Variants in ARHGAP31 observed in about 807,000 individuals in gnomAD.
ARHGAP31 encodes rho GTPase-activating protein 31.
ARHGAP31 carries 34 observed loss-of-function variants against 113.9 expected under a neutral mutation model. The ratio of observed to expected loss-of-function variants is 0.30; its 90% CI spans 0.23 to 0.40. The LOEUF is 0.40. Among genes scored for constraint, ARHGAP31 ranks in the 10% least tolerant of loss-of-function variants. The probability of loss-of-function intolerance (pLI) is 1.00; values close to 1 mark genes in which losing one functional copy is unlikely to be tolerated. For missense variants in ARHGAP31, 1,548 were observed against 1,767.1 expected, an observed-to-expected ratio of 0.88 and a Z score of 2.22; for synonymous variants, 650 against 684.8, an observed-to-expected ratio of 0.95 and a Z score of 0.79.
Position 119,419,937 on chromosome 3 carries a change from A to G in ARHGAP31, c.*3673A>G, listed in dbSNP as rs1174771503. The G allele has an allele frequency of 6.6e-6, 1 of 152,186 alleles. No individual in the cohort carries two copies. The highest frequency in any genetic ancestry group is 1.5e-5 in the Non-Finnish European group (1 of 68,028). 9.4% of individuals were successfully genotyped at this position (152,186 alleles called of 1,614,324 possible). A position where few individuals can be genotyped will look rare whatever the true frequency, so the allele number is the denominator to read the frequency against. On this transcript the variant is annotated 3_prime_UTR_variant, in exon 12 of 12. Transcript: ENST00000264245. The stretch of plus-strand genomic sequence containing the variant: ...TAAGATCAGTATTCCATAGTGCTTG[A>G]AAAGGGGATTTTAGAGACTTCTGTC...
At chr3:119,343,832 T>TTCCCA (rs746989410) in intron 1 of ARHGAP31, among the ~76,000 whole-genome samples, 1 of 152,240 alleles carries the variant, frequency 6.6e-6, no homozygotes, top group Non-Finnish European at 1.5e-5. Context: ...TCTAGAAGCC[T>TTCCCA]TTTAACCCAA....
intron 1 of ARHGAP31, among the ~76,000 whole-genome samples, chr3:119,334,198 C>T (rs772697689): frequency 4.6e-5 from 7 of 152,172 alleles, no homozygotes; most frequent in Non-Finnish European, 8.8e-5. Flanking sequence ...TACTTCATCT[C>T]CCGGCTCCCC....
intron 1 of ARHGAP31, among the ~76,000 whole-genome samples, chr3:119,348,014 A>T (rs1173900361): frequency 1.3e-5 from 2 of 152,222 alleles, no homozygotes; most frequent in African/African-American, 4.8e-5. Context: ...TTACAAACCA[A>T]CACCTGTCCG....
chr3:119,403,491 G>A (rs573378131), intron 10 of ARHGAP31, among the ~76,000 whole-genome samples: 2 of 152,308 alleles, frequency 1.3e-5, no homozygotes, highest in South Asian at 4.1e-4. Flanking sequence ...CCCACAGTGA[G>A]CTCAAAAACT....
chr3:119,413,313 TC>T (rs1297545466), intron 11 of ARHGAP31, among the ~76,000 whole-genome samples: 2 of 135,324 alleles, frequency 1.5e-5, no homozygotes, highest in African/African-American at 2.9e-5. Context: ...CGAGACTCTG[TC>T]TCAAAAAAAA....
At chr3:119,304,934 TAAAA>T (rs2079618261) in intron 1 of ARHGAP31, among the ~76,000 whole-genome samples, 1 of 107,830 alleles carries the variant, frequency 9.3e-6, no homozygotes, top group African/African-American at 4.8e-5. Flanking sequence ...TAAAATAAAA[TAAAA>T]TAAAACTTTT....
intron 1 of ARHGAP31, among the ~76,000 whole-genome samples, chr3:119,355,216 A>G: frequency 6.6e-6 from 1 of 152,236 alleles, no homozygotes; most frequent in East Asian, 1.9e-4. Context: ...TGGGCAATTT[A>G]TCTATTCTCT....
At chr3:119,298,552 T>A (rs2079553390) in intron 1 of ARHGAP31, 1 of 152,240 alleles carries the variant, frequency 6.6e-6, no homozygotes, top group Non-Finnish European at 1.5e-5. Flanking sequence ...GGGAAAATTA[T>A]CTTCTTCCTC....
chr3:119,329,887 G>A (rs1304853377), intron 1 of ARHGAP31: 1 of 985,480 alleles, frequency 1.0e-6, no homozygotes, highest in Non-Finnish European at 1.2e-6. Flanking sequence ...GTCCTCACTG[G>A]TGCTGAGAAA....
At position 119,415,525 on chromosome 3, in the gene ARHGAP31, C is replaced by T. The variant is rs534166705; in HGVS notation, c.3596C>T (p.Ala1199Val). ...SFMVKMCQAR[A>V]VPVIPPKIQY... ...ATGGTCAAAATGTGCCAGGCCAGGG[C>T]GGTCCCAGTCATCCCTCCCAAGATT... Residue 1199 changes from alanine to valine, a missense_variant, in exon 12 of 12, where the codon GCG becomes GTG. Coordinates refer to ENST00000264245, the MANE Select transcript of ARHGAP31 (RefSeq NM_020754.4). The T allele has an allele frequency of 3.7e-5, 59 of 1,614,124 alleles. No homozygotes were observed. The highest frequency in any genetic ancestry group is 2.3e-4 in the Admixed American group (14 of 60,026).
chr3:119,313,072 T>G (rs1213695918), intron 1 of ARHGAP31, among the ~76,000 whole-genome samples: 1 of 152,256 alleles, frequency 6.6e-6, no homozygotes, highest in African/African-American at 2.4e-5. Flanking sequence ...GATTTCTTTC[T>G]TTTTAATCAC....
At position 119,294,706 on chromosome 3, in the gene ARHGAP31, C is replaced by G. The variant is rs886057795; in HGVS notation, c.-199C>G. Reference sequence around the variant, plus strand: ...CCTCGGCACGGCGGCCCCGGAGCGGCGCGGGGTGGATCTCAGGCTCTGCCG... The same window carrying G: ...CCTCGGCACGGCGGCCCCGGAGCGGGGCGGGGTGGATCTCAGGCTCTGCCG... On this transcript the variant is annotated 5_prime_UTR_variant, in exon 1 of 12. Transcript: ENST00000264245. 3 of 617,810 alleles carry G rather than the reference C, an allele frequency of 4.9e-6. No individual in the cohort carries two copies. The allele number at this position is 617,810 out of a possible 1,614,324, so 38.3% of individuals were successfully genotyped here.
At chr3:119,337,423 A>C (rs899361076) in intron 1 of ARHGAP31, among the ~76,000 whole-genome samples, 3 of 151,874 alleles carry the variant, frequency 2.0e-5, no homozygotes, top group Middle Eastern at 3.2e-3. Flanking sequence ...TACAGCTCAT[A>C]AAGGCAGCAC....
intron 1 of ARHGAP31, among the ~76,000 whole-genome samples, chr3:119,327,334 G>C (rs1238713210): frequency 1.3e-5 from 2 of 151,724 alleles, no homozygotes; most frequent in Non-Finnish European, 2.9e-5. Flanking sequence ...CCTGAGGTCA[G>C]GGAGTTCGAG....
intron 9 of ARHGAP31, 151 bp downstream of exon 9, chr3:119,399,412 A>C: frequency 3.4e-5 from 25 of 732,090 alleles, no homozygotes; most frequent in East Asian, 8.2e-5. Flanking sequence ...ACCCTAACTC[A>C]AGGGGTTCAC....
intron 1 of ARHGAP31, among the ~76,000 whole-genome samples, chr3:119,314,110 ACT>A (rs980388846): frequency 2.2e-4 from 34 of 152,112 alleles, no homozygotes; most frequent in Admixed American, 6.5e-5. Context: ...CCCTGGCCAC[ACT>A]CTACTTCTCG....
intron 6 of ARHGAP31, 28 bp from the exon 7 acceptor site, chr3:119,390,757 A>G (rs1424643437): frequency 2.5e-6 from 4 of 1,608,490 alleles, no homozygotes; most frequent in Non-Finnish European, 3.4e-6. Flanking sequence ...GCCTCCTCCA[A>G]CACTGAGCTC....
chr3:119,382,494 T>A, intron 5 of ARHGAP31, 95 bp downstream of exon 5: 1 of 1,244,326 alleles, frequency 8.0e-7, no homozygotes, highest in Non-Finnish European at 1.2e-6. Flanking sequence ...GAAGCCCCTT[T>A]AAAACAAATC....
chr3:119,367,572 G>A (rs1413599358), intron 2 of ARHGAP31, among the ~76,000 whole-genome samples: 2 of 152,116 alleles, frequency 1.3e-5, no homozygotes, highest in East Asian at 1.9e-4. Context: ...AAAGATAGTC[G>A]ATTAGGCTGG....
Sources: allele counts gnomAD v4.1 joint callset (sites outside exome capture counted in the v4.1 genomes callset), GRCh38; gene constraint gnomAD v4.1.1; transcripts MANE v1.5; gene names NCBI Gene and HGNC (gene_info 2026-07-23, HGNC 2026-07-21).